Variants in SCARA3 observed in about 807,000 individuals in gnomAD.
SCARA3 encodes cellular stress response gene protein.
A neutral mutation model predicts 47.0 loss-of-function variants in SCARA3; 39 were observed. The observed-to-expected ratio is 0.83, with a 90% CI of 0.64 to 1.08. SCARA3 has a LOEUF of 1.08. Ranked by LOEUF, SCARA3 falls within the 50% of genes least tolerant of loss-of-function variation. SCARA3 has a pLI of 0.00. For missense variants in SCARA3, 724 were observed against 792.3 expected (o/e 0.91, Z 1.04); for synonymous variants, 356 against 334.1 (o/e 1.07, Z -0.71).
intron 5 of SCARA3, among the ~76,000 whole-genome samples, chr8:27,661,918 C>G (rs146977528): frequency 3.3e-5 from 5 of 152,334 alleles, no homozygotes; most frequent in Non-Finnish European, 5.9e-5. Context: ...TTCCTTACTT[C>G]CATTGTGGAG....
chr8:27,732,769 CA>C, the SCARA3 span, among the ~76,000 whole-genome samples: 1 of 152,164 alleles, frequency 6.6e-6, no homozygotes, highest in Non-Finnish European at 1.5e-5. Context: ...AAATGCAAAC[CA>C]AATGTGCTCT....
At chr8:27,704,684 G>T in the SCARA3 span, among the ~76,000 whole-genome samples, 1 of 151,542 alleles carries the variant, frequency 6.6e-6, no homozygotes, top group African/African-American at 2.4e-5. Context: ...CAGTTAGTTG[G>T]TTACTAACAG....
chr8:27,696,957 T>C, the SCARA3 span, among the ~76,000 whole-genome samples: 1 of 152,148 alleles, frequency 6.6e-6, no homozygotes, highest in Non-Finnish European at 1.5e-5. Flanking sequence ...TAAAATGATA[T>C]CATGGTAATG....
chr8:27,654,127 G>A (rs1801692142), intron 3 of SCARA3, among the ~76,000 whole-genome samples: 1 of 152,070 alleles, frequency 6.6e-6, no homozygotes, highest in Non-Finnish European at 1.5e-5. Flanking sequence ...AAATTTACAT[G>A]GATTGATGAA....
intron 5 of SCARA3, among the ~76,000 whole-genome samples, chr8:27,663,534 G>C (rs1387940852): frequency 6.6e-6 from 1 of 152,204 alleles, no homozygotes; most frequent in Non-Finnish European, 1.5e-5. Flanking sequence ...CAACTTTATG[G>C]ATTAGTGGAT....
the SCARA3 span, among the ~76,000 whole-genome samples, chr8:27,706,026 A>G: frequency 2.0e-5 from 3 of 152,352 alleles, no homozygotes; most frequent in African/African-American, 7.2e-5. Flanking sequence ...GGAGGAACAG[A>G]AATAGTTCAG....
the SCARA3 span, among the ~76,000 whole-genome samples, chr8:27,690,670 G>C: frequency 6.6e-6 from 1 of 152,116 alleles, no homozygotes; most frequent in Non-Finnish European, 1.5e-5. Context: ...GCTATCATTT[G>C]TGTGAAAGTA....
chr8:27,676,782 A>G (rs1802284180), downstream of SCARA3: 3 of 483,246 alleles, frequency 6.2e-6, no homozygotes, highest in Non-Finnish European at 1.1e-5. Context: ...GATGATTTAA[A>G]TGTTTATTTT....
At chr8:27,683,525 A>T in the SCARA3 span, among the ~76,000 whole-genome samples, 2 of 152,216 alleles carry the variant, frequency 1.3e-5, no homozygotes, top group Admixed American at 6.5e-5. Flanking sequence ...AGACATAAAA[A>T]GTCAAATATT....
At chr8:27,718,072 C>A in the SCARA3 span, among the ~76,000 whole-genome samples, 18 of 152,350 alleles carry the variant, frequency 1.2e-4, no homozygotes, top group Middle Eastern at 0.02. Context: ...TCATTTCATG[C>A]TTTTCCATCC....
intron 1 of SCARA3, among the ~76,000 whole-genome samples, chr8:27,635,614 T>C (rs1801233347): frequency 2.2e-5 from 2 of 90,876 alleles, no homozygotes; most frequent in South Asian, 7.4e-4. Flanking sequence ...TGCACCACCA[T>C]GCATGGATTT....
intron 1 of SCARA3, among the ~76,000 whole-genome samples, chr8:27,643,115 A>G (rs1801418468): frequency 6.6e-6 from 1 of 152,196 alleles, no homozygotes; most frequent in Non-Finnish European, 1.5e-5. Flanking sequence ...CAGGATGCTG[A>G]ATGTCTGTGC....
chr8:27,660,747 A>G (rs1359521069), intron 5 of SCARA3, among the ~76,000 whole-genome samples: 1 of 152,000 alleles, frequency 6.6e-6, no homozygotes, highest in African/African-American at 2.4e-5. Flanking sequence ...CCAGAGAAAC[A>G]GAATCAATAA....
chr8:27,649,202 A>C (rs964663793), intron 1 of SCARA3, among the ~76,000 whole-genome samples: 1 of 152,152 alleles, frequency 6.6e-6, no homozygotes, highest in African/African-American at 2.4e-5. Context: ...TGTGTGAAGC[A>C]GGGATCTGCG....
chr8:27,634,421 A>AC (rs932555418), intron 1 of SCARA3, among the ~76,000 whole-genome samples: 26 of 151,276 alleles, frequency 1.7e-4, no homozygotes, highest in East Asian at 7.8e-4. Context: ...ACACTCACAC[A>AC]CCCCCCCTTG....
intron 3 of SCARA3, among the ~76,000 whole-genome samples, chr8:27,653,316 A>G (rs1218829710): frequency 6.6e-6 from 1 of 152,194 alleles, no homozygotes; most frequent in Non-Finnish European, 1.5e-5. Context: ...GGCTGGCCCC[A>G]TTCCTCACGG....
the SCARA3 span, among the ~76,000 whole-genome samples, chr8:27,721,785 A>C: frequency 8.6e-3 from 1,315 of 152,274 alleles, 71 homozygotes; most frequent in Admixed American, 0.077. Context: ...TCTAAAATGA[A>C]ATAAGGCCAG....
chr8:27,679,305 T>G (rs959434779), downstream of SCARA3, among the ~76,000 whole-genome samples: 6 of 152,178 alleles, frequency 3.9e-5, no homozygotes, highest in African/African-American at 1.4e-4. Flanking sequence ...TTAATTTCTC[T>G]AAAACATGTT....
the SCARA3 span, among the ~76,000 whole-genome samples, chr8:27,707,785 G>C: frequency 8.5e-6 from 1 of 117,352 alleles, no homozygotes; most frequent in Admixed American, 9.3e-5. Context: ...TAAAATTTGA[G>C]AACATCAAGC....
Sources: gnomAD v4.1 joint callset for allele counts (sites outside exome capture counted in the v4.1 genomes callset) on GRCh38, gnomAD v4.1.1 for gene constraint, MANE v1.5 for transcripts, NCBI Gene and HGNC (gene_info 2026-07-23, HGNC 2026-07-21) for gene names.